ARNT: variants seen among roughly 807,000 people sequenced by gnomAD.
ARNT encodes the protein class E basic helix-loop-helix protein 2.
A neutral mutation model predicts 105.0 loss-of-function variants in ARNT; 30 were observed. The ratio of observed to expected loss-of-function variants is 0.29; its 90% CI spans 0.21 to 0.39. The LOEUF is 0.39. ARNT is among the 10% of genes least tolerant of loss of function. ARNT has a pLI of 1.00. For synonymous variants in ARNT, 304 were observed against 344.0 expected (o/e 0.88, Z 1.29); for missense variants, 748 against 978.7 (o/e 0.76, Z 3.15).
chr1:150,847,869 T>C (rs1662535894), intron 3 of ARNT, among the ~76,000 whole-genome samples: 1 of 152,226 alleles, frequency 6.6e-6, no homozygotes, highest in African/African-American at 2.4e-5. Context: ...TATTTCTTTA[T>C]GATGGCCAAG....
At position 150,876,577 on chromosome 1, in the gene ARNT, T is replaced by A. The variant is rs1164151391; in HGVS notation, c.-10A>T. 1 of 1,527,664 alleles carries A rather than the reference T, an allele frequency of 6.5e-7. No individual in the cohort carries two copies. The highest frequency in any genetic ancestry group is 2.1e-5 in the Admixed American group (1 of 47,728). 94.6% of individuals were successfully genotyped at this position (1,527,664 alleles called of 1,614,324 possible). ...CAGTAGTCGCCGCCATGGCCGCAGA[T>A]GCCACCGCCGCCGCGCCACCCCCCC... is the stretch of plus-strand genomic sequence containing the variant. On this transcript the variant is annotated 5_prime_UTR_variant, in exon 1 of 22. Coordinates refer to ENST00000358595, the MANE Select transcript of ARNT (RefSeq NM_001668.4).
intron 3 of ARNT, among the ~76,000 whole-genome samples, chr1:150,850,935 C>A (rs1663287488): frequency 1.3e-5 from 2 of 151,674 alleles, no homozygotes; most frequent in Non-Finnish European, 2.9e-5. Flanking sequence ...CCGGCCACGA[C>A]CCCGTCTGGG....
Position 150,859,039 on chromosome 1 carries a change from C to T in ARNT, c.26-579G>A, listed in dbSNP as rs1438613758. On this transcript the variant is annotated intron_variant, in intron 1 of 21. Coordinates refer to ENST00000358595, the MANE Select transcript of ARNT (RefSeq NM_001668.4). ...CTTCATGTTAAAAAGCTTATACATA[C>T]ATAACAATATACTAATATTGTATAG... Among the ~76,000 whole-genome samples, 8 of 151,734 alleles carry T rather than the reference C, an allele frequency of 5.3e-5. No homozygotes were observed. The East Asian group carries it at 1.5e-3, about 29-fold the overall frequency.
At chr1:150,825,146 G>A (rs935136669) in intron 13 of ARNT, among the ~76,000 whole-genome samples, 4 of 151,924 alleles carry the variant, frequency 2.6e-5, no homozygotes, top group Admixed American at 6.6e-5. Flanking sequence ...AGGCATGAGC[G>A]ACCATGCCCA....
At chr1:150,836,246 C>T in intron 7 of ARNT, 34 bp downstream of exon 7, 2 of 1,589,420 alleles carry the variant, frequency 1.3e-6, no homozygotes, top group Non-Finnish European at 1.7e-6. Context: ...CAAGAAAGGA[C>T]TTCTCATTCA....
chr1:150,828,339 GT>G (rs1047268874), intron 12 of ARNT, among the ~76,000 whole-genome samples: 52 of 90,266 alleles, frequency 5.8e-4, no homozygotes, highest in Admixed American at 1.0e-3. Flanking sequence ...TTTGGGTGTG[GT>G]TTTTTTTTTG....
At chr1:150,830,113 C>T (rs1659095446) in intron 10 of ARNT, 133 bp from the exon 11 acceptor site, 1 of 925,276 alleles carries the variant, frequency 1.1e-6, no homozygotes. Context: ...AATCCCAACA[C>T]TTTGGGAAGC....
Position 150,829,157 on chromosome 1 carries a change from T to C in ARNT, c.1103A>G (p.Asn368Ser). The stretch of plus-strand genomic sequence containing the variant: ...CACAAAAGTGAAGATACCCTCAATG[T>C]TGTGTCGGGAGATGAACTCTGTTGG... The part of the protein sequence containing the change: ...CQPTEFISRH[N>S]IEGIFTFVDH... The change falls in exon 12 of 22, where the codon AAC becomes AGC. Residue 368 changes from asparagine to serine, a missense_variant. This residue lies in a region of ARNT where 291 missense variants were observed against 444.6 expected (regional missense o/e 0.65). Coordinates refer to ENST00000358595, the MANE Select transcript of ARNT (RefSeq NM_001668.4). 2.5e-6 allele frequency: 4 copies of C among 1,614,144 alleles called. No individual in the cohort carries two copies. The highest frequency in any genetic ancestry group is 3.4e-6 in the Non-Finnish European group (4 of 1,180,000).
chr1:150,812,237 C>T, intron 21 of ARNT, 127 bp from the exon 22 acceptor site: 2 of 551,722 alleles, frequency 3.6e-6, no homozygotes, highest in African/African-American at 1.9e-5. Context: ...AGCTCTTAGC[C>T]TTCCTTACTT....
At chr1:150,859,743 C>T (rs1665269161) in intron 1 of ARNT, among the ~76,000 whole-genome samples, 1 of 152,128 alleles carries the variant, frequency 6.6e-6, no homozygotes, top group Admixed American at 6.6e-5. Flanking sequence ...GGCACAGTGG[C>T]GGATGCCTGG....
At chr1:150,850,362 C>T (rs867745676) in intron 3 of ARNT, among the ~76,000 whole-genome samples, 4 of 152,202 alleles carry the variant, frequency 2.6e-5, no homozygotes, top group Admixed American at 1.3e-4. Context: ...CTGCCATCTC[C>T]GCTCACTGCA....
chr1:150,856,392 A>C (rs1334016774), intron 2 of ARNT, among the ~76,000 whole-genome samples: 1 of 152,072 alleles, frequency 6.6e-6, no homozygotes, highest in Non-Finnish European at 1.5e-5. Flanking sequence ...GTGAGCTGAG[A>C]TCACACTACT....
chr1:150,829,397 G>T, intron 11 of ARNT, 170 bp from the exon 12 acceptor site: 1 of 656,826 alleles, frequency 1.5e-6, no homozygotes, highest in Non-Finnish European at 2.6e-6. Flanking sequence ...ATCAGACAAG[G>T]CATAAGGTCT....
At chr1:150,820,395 G>GCTTA (rs1656798783) in intron 14 of ARNT, among the ~76,000 whole-genome samples, 1 of 152,214 alleles carries the variant, frequency 6.6e-6, no homozygotes, top group African/African-American at 2.4e-5. Context: ...AGGTGCAGTG[G>GCTTA]CTTACGCCTG....
At chr1:150,812,742 T>G (rs1654988489) in intron 21 of ARNT, 1 of 154,520 alleles carries the variant, frequency 6.5e-6, no homozygotes, top group Non-Finnish European at 1.4e-5. Context: ...AACCCAAAGC[T>G]ACTGTGACTT....
chr1:150,851,927 A>G (rs1480324079), intron 3 of ARNT, among the ~76,000 whole-genome samples: 2 of 152,122 alleles, frequency 1.3e-5, no homozygotes, highest in East Asian at 1.9e-4. Flanking sequence ...ACGCACCTGT[A>G]GTCCCGGCTA....
At chr1:150,872,798 A>G (rs887688721) in intron 1 of ARNT, among the ~76,000 whole-genome samples, 1 of 151,896 alleles carries the variant, frequency 6.6e-6, no homozygotes, top group African/African-American at 2.4e-5. Context: ...CCCTGTCTCT[A>G]AAAAAAATTT....
At chr1:150,849,304 G>A (rs1393505839) in intron 3 of ARNT, among the ~76,000 whole-genome samples, 3 of 151,928 alleles carry the variant, frequency 2.0e-5, no homozygotes, top group Non-Finnish European at 4.4e-5. Context: ...CAAATTGTCT[G>A]TTACTCAGCA....
At chr1:150,844,541 A>G (rs1281874139) in intron 4 of ARNT, among the ~76,000 whole-genome samples, 1 of 152,210 alleles carries the variant, frequency 6.6e-6, no homozygotes, top group Non-Finnish European at 1.5e-5. Flanking sequence ...CAGGAGCATC[A>G]GCAACGAACA....
Sources: gnomAD v4.1 joint callset for allele counts (sites outside exome capture counted in the v4.1 genomes callset) on GRCh38, gnomAD v4.1.1 for gene constraint, gnomAD v4.1.1 regional missense constraint, MANE v1.5 for transcripts, NCBI Gene and HGNC (gene_info 2026-07-23, HGNC 2026-07-21) for gene names.